The following GABBR2 variants were observed in gnomAD, a reference collection of about 807,000 sequenced individuals.
The protein encoded by GABBR2 is G-protein coupled receptor 51.
A neutral mutation model predicts 105.6 loss-of-function variants in GABBR2; 23 were observed. The observed-to-expected ratio is 0.22, with a 90% confidence interval of 0.16 to 0.31. GABBR2 has a LOEUF of 0.31. Among genes scored for constraint, GABBR2 ranks in the 10% least tolerant of loss-of-function variants. The pLI, the probability that GABBR2 is intolerant of heterozygous loss-of-function variation, is 1.00. For missense variants in GABBR2, 734 were observed against 1,245.5 expected (o/e 0.59, Z 6.18); for synonymous variants, 478 against 499.7 (o/e 0.96, Z 0.58).
chr9:98,387,043 G>A (rs529700358), intron 10 of GABBR2, among the ~76,000 whole-genome samples: 1 of 152,112 alleles, frequency 6.6e-6, no homozygotes, highest in African/African-American at 2.4e-5. Context: ...GAACTACTTA[G>A]GTGCCTCAAT....
intron 7 of GABBR2, among the ~76,000 whole-genome samples, 154 bp downstream of exon 7, chr9:98,453,827 G>T (rs1826277293): frequency 6.6e-6 from 1 of 152,148 alleles, no homozygotes; most frequent in African/African-American, 2.4e-5. Flanking sequence ...CCTGCCCCTT[G>T]TCTGAACAGC....
intron 4 of GABBR2, among the ~76,000 whole-genome samples, chr9:98,492,925 C>T (rs1827207938): frequency 6.6e-6 from 1 of 152,262 alleles, no homozygotes; most frequent in East Asian, 1.9e-4. Context: ...TTTTTATCCC[C>T]CCTTCTCCTA....
intron 1 of GABBR2, among the ~76,000 whole-genome samples, chr9:98,646,802 G>T (rs184232140): frequency 2.6e-5 from 4 of 152,252 alleles, no homozygotes; most frequent in Admixed American, 2.6e-4. Context: ...AGAGTTCTCT[G>T]GGAGCTATCT....
chr9:98,675,029 T>C (rs1830456664), intron 1 of GABBR2, among the ~76,000 whole-genome samples: 1 of 152,148 alleles, frequency 6.6e-6, no homozygotes, highest in Non-Finnish European at 1.5e-5. Context: ...AGCTGGAAAC[T>C]GAGGTTCACA....
intron 7 of GABBR2, among the ~76,000 whole-genome samples, chr9:98,448,920 A>T (rs1314424570): frequency 2.2e-4 from 9 of 41,466 alleles, no homozygotes; most frequent in African/African-American, 6.8e-4. Context: ...GAAAGAGTTT[A>T]AAAAAAAAAA....
intron 1 of GABBR2, among the ~76,000 whole-genome samples, chr9:98,589,711 C>CT (rs561852717): frequency 0.26 from 33,912 of 132,716 alleles, 4,592 homozygotes; most frequent in Non-Finnish European, 0.31. Context: ...GTTTGGCTGT[C>CT]TTTTTTTTTT....
At chr9:98,415,584 G>A (rs1350109296) in intron 7 of GABBR2, among the ~76,000 whole-genome samples, 2 of 152,216 alleles carry the variant, frequency 1.3e-5, no homozygotes, top group Non-Finnish European at 2.9e-5. Flanking sequence ...AAAACGTGCA[G>A]AGATGATATT....
At chr9:98,671,570 T>G (rs1052434750) in intron 1 of GABBR2, among the ~76,000 whole-genome samples, 2 of 152,202 alleles carry the variant, frequency 1.3e-5, no homozygotes, top group Non-Finnish European at 2.9e-5. Context: ...TTTAAGCGAC[T>G]GCCAGACTGT....
chr9:98,558,746 C>G (rs1344901551), intron 2 of GABBR2, among the ~76,000 whole-genome samples: 1 of 152,190 alleles, frequency 6.6e-6, no homozygotes, highest in African/African-American at 2.4e-5. Flanking sequence ...ACTGAAATGC[C>G]CTAGAATAAC....
rs2131355168 is a variant in GABBR2, at chr9:98,306,297, C to T, written c.2053G>A (p.Ala685Thr). Residue 685 changes from alanine (A) to threonine (T), a missense_variant, in exon 15 of 19, where the codon GCA becomes ACA. Ala to Thr is a moderately conservative substitution (Grantham distance 58). Around this residue, in one of 7 missense-constraint regions of GABBR2, gnomAD observed 91 missense variants for 185.9 expected, o/e 0.49. Coordinates refer to ENST00000259455, the MANE Select transcript of GABBR2 (RefSeq NM_005458.8). The surrounding 1 kb of genome is among the most constrained non-coding windows in gnomAD (Gnocchi z 5.4). ...AWETRNVSIPALNDSKYIGMS... is the reference protein window; with the variant it reads ...AWETRNVSIPTLNDSKYIGMS... ...CCGATGTACTTGCTGTCGTTGAGTG[C>T]GGGGATGCTGACGTTGCGGGTCTCC... The T allele has an allele frequency of 6.2e-7, 1 of 1,613,962 alleles. No homozygotes were observed.
intron 3 of GABBR2, among the ~76,000 whole-genome samples, chr9:98,527,800 C>T (rs1271921457): frequency 6.6e-6 from 1 of 151,970 alleles, no homozygotes; most frequent in Non-Finnish European, 1.5e-5. Context: ...AACAAAAATG[C>T]CAAGAATTAA....
At chr9:98,452,970 C>G (rs898624389) in intron 7 of GABBR2, among the ~76,000 whole-genome samples, 1 of 152,196 alleles carries the variant, frequency 6.6e-6, no homozygotes. Flanking sequence ...CCTGGCCCAC[C>G]CCAGCCCACC....
intron 9 of GABBR2, among the ~76,000 whole-genome samples, chr9:98,390,336 T>C: frequency 8.1e-6 from 1 of 124,172 alleles, no homozygotes; most frequent in African/African-American, 3.3e-5. Flanking sequence ...ATTATGCCAC[T>C]GCACTCCAGC....
chr9:98,465,121 TAA>T (rs57747633), intron 6 of GABBR2, among the ~76,000 whole-genome samples: 8,616 of 21,720 alleles, frequency 0.4, 433 homozygotes, highest in South Asian at 0.47. Context: ...CAATAAATAC[TAA>T]AAAAAAAAAA....
chr9:98,702,327 C>T (rs1298162458), intron 1 of GABBR2, among the ~76,000 whole-genome samples: 1 of 152,026 alleles, frequency 6.6e-6, no homozygotes, highest in Non-Finnish European at 1.5e-5. Flanking sequence ...CCTGCCCTGT[C>T]GGGTCTCAGT....
chr9:98,314,637 C>T (rs991485990), intron 13 of GABBR2, among the ~76,000 whole-genome samples: 6 of 152,174 alleles, frequency 3.9e-5, no homozygotes, highest in Non-Finnish European at 7.4e-5. Flanking sequence ...AGTGCTTTCA[C>T]GGAGCCACAG....
intron 13 of GABBR2, among the ~76,000 whole-genome samples, chr9:98,352,437 T>A (rs192074201): frequency 5.3e-5 from 8 of 152,110 alleles, no homozygotes. Flanking sequence ...GCTGGAGGGC[T>A]GGGAAGGCCA....
At chr9:98,606,141 T>C (rs1829417483) in intron 1 of GABBR2, among the ~76,000 whole-genome samples, 1 of 152,238 alleles carries the variant, frequency 6.6e-6, no homozygotes, top group Non-Finnish European at 1.5e-5. Context: ...CCATGGTGTA[T>C]ATGTGCCACA....
intron 11 of GABBR2, among the ~76,000 whole-genome samples, chr9:98,383,252 T>C (rs1832011145): frequency 6.6e-6 from 1 of 152,208 alleles, no homozygotes; most frequent in Non-Finnish European, 1.5e-5. Context: ...CAGGAGGCCA[T>C]ACTCTTTAGA....
Sources: allele counts gnomAD v4.1 joint callset (sites outside exome capture counted in the v4.1 genomes callset), GRCh38; gene constraint gnomAD v4.1.1; regional missense constraint gnomAD v4.1.1; non-coding constraint Gnocchi (gnomAD v3.1); transcripts MANE v1.5; gene names NCBI Gene and HGNC (gene_info 2026-07-23, HGNC 2026-07-21).